Variants in ENTREP2 observed in about 807,000 individuals in gnomAD.
The protein encoded by ENTREP2 is endosomal transmembrane epsin interactor 2.
At chr15:29,458,659 C>A in the ENTREP2 span, among the ~76,000 whole-genome samples, 1 of 152,200 alleles carries the variant, frequency 6.6e-6, no homozygotes. Flanking sequence ...GTCGACCCAA[C>A]TTCTCCAGCA....
At chr15:29,381,966 G>A in the ENTREP2 span, 2 of 793,790 alleles carry the variant, frequency 2.5e-6, no homozygotes, top group East Asian at 5.4e-5. Flanking sequence ...GCTACCATGA[G>A]CTGCATTTTC....
At chr15:29,566,322 C>G in the ENTREP2 span, among the ~76,000 whole-genome samples, 1 of 151,746 alleles carries the variant, frequency 6.6e-6, no homozygotes, top group African/African-American at 2.4e-5. Context: ...CCACGCCCAG[C>G]TAGTTTTTTG....
chr15:29,370,634 CCA>C, the ENTREP2 span, among the ~76,000 whole-genome samples: 1 of 151,858 alleles, frequency 6.6e-6, no homozygotes, highest in South Asian at 2.1e-4. Context: ...TTGAAATGAT[CCA>C]CAGAGTCTAA....
chr15:29,465,138 C>T, the ENTREP2 span, among the ~76,000 whole-genome samples: 2 of 151,960 alleles, frequency 1.3e-5, no homozygotes, highest in South Asian at 4.2e-4. Context: ...CCGATATAAC[C>T]CCCACTCAGC....
chr15:29,658,892 A>G, the ENTREP2 span, among the ~76,000 whole-genome samples: 1 of 152,378 alleles, frequency 6.6e-6, no homozygotes, highest in African/African-American at 2.4e-5. Context: ...TGAGCAATAC[A>G]CTAGCAAAGG....
chr15:29,517,606 T>TA, the ENTREP2 span, among the ~76,000 whole-genome samples: 2 of 152,182 alleles, frequency 1.3e-5, no homozygotes, highest in African/African-American at 4.8e-5. Context: ...TTTTTCTTGT[T>TA]AAAGTAAATT....
chr15:29,222,585 C>T, the ENTREP2 span, among the ~76,000 whole-genome samples: 1 of 152,290 alleles, frequency 6.6e-6, no homozygotes, highest in Non-Finnish European at 1.5e-5. Context: ...CCACGTTTTC[C>T]TCCTCCTCTT....
At chr15:29,181,492 GAAT>G in the ENTREP2 span, among the ~76,000 whole-genome samples, 3 of 152,164 alleles carry the variant, frequency 2.0e-5, no homozygotes, top group African/African-American at 4.8e-5. Flanking sequence ...TATAATTTAT[GAAT>G]AATGATGAAA....
the ENTREP2 span, among the ~76,000 whole-genome samples, chr15:29,519,750 G>A: frequency 4.6e-5 from 7 of 152,170 alleles, no homozygotes; most frequent in African/African-American, 1.4e-4. Flanking sequence ...CTGAGCCCAG[G>A]CTAAGCCATC....
At chr15:29,406,375 C>T in the ENTREP2 span, among the ~76,000 whole-genome samples, 1,717 of 152,136 alleles carry the variant, frequency 0.011, 32 homozygotes, top group African/African-American at 0.04. Context: ...GGCGAAACCG[C>T]ATCTCTACTA....
the ENTREP2 span, among the ~76,000 whole-genome samples, chr15:29,166,902 A>C: frequency 1.3e-5 from 2 of 152,206 alleles, no homozygotes; most frequent in African/African-American, 4.8e-5. Flanking sequence ...GAGGCATCGC[A>C]CTACCTGATT....
chr15:29,206,019 G>C, the ENTREP2 span, among the ~76,000 whole-genome samples: 10 of 152,172 alleles, frequency 6.6e-5, no homozygotes, highest in East Asian at 1.9e-4. Flanking sequence ...CTGGTGGTGG[G>C]AGAGGGTCCC....
the ENTREP2 span, among the ~76,000 whole-genome samples, chr15:29,310,314 A>G: frequency 1.3e-5 from 2 of 152,184 alleles, no homozygotes; most frequent in African/African-American, 4.8e-5. Flanking sequence ...AAATCTCTTT[A>G]AAACAGAAGC....
the ENTREP2 span, among the ~76,000 whole-genome samples, chr15:29,426,608 A>G: frequency 1.1e-3 from 169 of 152,200 alleles, 1 homozygote; most frequent in African/African-American, 3.9e-3. Context: ...TCACTAATCC[A>G]ATGTTGGTCA....
the ENTREP2 span, among the ~76,000 whole-genome samples, chr15:29,329,725 C>G: frequency 3.1e-4 from 47 of 152,156 alleles, no homozygotes; most frequent in Non-Finnish European, 1.0e-4. Flanking sequence ...AATTAATAAC[C>G]TCACAATGAT....
At chr15:29,654,777 C>T in the ENTREP2 span, among the ~76,000 whole-genome samples, 3 of 152,128 alleles carry the variant, frequency 2.0e-5, no homozygotes, top group Non-Finnish European at 4.4e-5. Context: ...AACAGAATTG[C>T]CTTTGATTAT....
the ENTREP2 span, among the ~76,000 whole-genome samples, chr15:29,558,420 G>A: frequency 6.6e-6 from 1 of 151,522 alleles, no homozygotes. Context: ...GCACAGGCCC[G>A]AAGCTGGCCC....
chr15:29,570,635 C>A, the ENTREP2 span: 1 of 1,397,776 alleles, frequency 7.2e-7, no homozygotes, highest in Non-Finnish European at 9.3e-7. Context: ...CAGCACGATG[C>A]GGGAGCGGCC....
At chr15:29,397,624 C>T in the ENTREP2 span, among the ~76,000 whole-genome samples, 1 of 152,032 alleles carries the variant, frequency 6.6e-6, no homozygotes, top group African/African-American at 2.4e-5. Flanking sequence ...AATTCAAAAC[C>T]CAGGATGACA....
Sources: allele counts gnomAD v4.1 joint callset (sites outside exome capture counted in the v4.1 genomes callset), GRCh38; gene constraint gnomAD v4.1.1; transcripts MANE v1.5; gene names NCBI Gene and HGNC (gene_info 2026-07-23, HGNC 2026-07-21).